Variants in TTN observed in about 807,000 individuals in gnomAD.
TTN encodes titin.
A neutral mutation model predicts 3,223.0 loss-of-function variants in TTN; 1,525 were observed. That is an observed-to-expected ratio of 0.47 (90% confidence interval 0.45 to 0.49). The LOEUF (loss-of-function observed/expected upper bound fraction) is 0.49. TTN is among the 20% of genes least tolerant of loss of function. The pLI is 0.00. For synonymous variants in TTN, 14,094 were observed against 15,161.0 expected (o/e 0.93, Z 5.17); for missense variants, 40,786 against 43,424.0 (o/e 0.94, Z 5.40).
intron 24 of TTN, 41 bp downstream of exon 24, chr2:178,778,833 C>A: frequency 6.2e-7 from 1 of 1,613,016 alleles, no homozygotes; most frequent in South Asian, 1.1e-5. Context: ...GTTTTGAAAA[C>A]AATTTACATA....
intron 136 of TTN, 25 bp downstream of exon 136, chr2:178,681,636 G>A (rs1246695591): frequency 6.3e-7 from 1 of 1,592,750 alleles, no homozygotes; most frequent in Non-Finnish European, 8.5e-7. Context: ...ATCTCTTACA[G>A]GTAATAATGT....
chr2:178,535,483 G>C lies in TTN; in HGVS notation c.101132C>G (p.Thr33711Ser). Residue 33711 changes from threonine (T) to serine (S), a missense_variant, in exon 358 of 363, where the codon ACT becomes AGT. Coordinates refer to ENST00000589042, the MANE Select transcript of TTN (RefSeq NM_001267550.2). ...GCTGCCACCATCAGAGGCTGGCTCA[G>C]TCCATGTTAAGTTGACAGAATCTCG... The part of the protein sequence containing the change: ...VSRDSVNLTW[T>S]EPASDGGSKI... 6.2e-7 allele frequency: 1 copy of C among 1,613,866 alleles called. No individual in the cohort carries two copies. Among genetic ancestry groups the C allele is most frequent in the Non-Finnish European group, 8.5e-7 (1 of 1,179,820 alleles).
At position 178,593,285 on chromosome 2, in the gene TTN, A is replaced by T; in HGVS notation, c.58923T>A (p.Val19641=). Residue 19641 remains valine (V), a synonymous_variant, in exon 299 of 363, where the codon GTT becomes GTA. Transcript: ENST00000589042. ...ACTGACATCCTTCTAGAAGATCAGG[A>T]ACCCTAAATTTAGTGTATGGATGAA... The part of the protein sequence containing the change: ...DPIHPYTKFR[V]PDLLEGCQYE... The T allele has an allele frequency of 6.2e-7, 1 of 1,613,440 alleles. No individual in the cohort carries two copies. The highest frequency in any genetic ancestry group is 1.1e-5 in the South Asian group (1 of 91,062).
intron 322 of TTN, 28 bp downstream of exon 322, chr2:178,577,954 ATGCACC>A: frequency 6.3e-7 from 1 of 1,596,058 alleles, no homozygotes; most frequent in Non-Finnish European, 8.5e-7. Flanking sequence ...CATGTAAAAC[ATGCACC>A]TGGGTTTTTC....
At position 178,594,457 on chromosome 2, in the gene TTN, A is replaced by C; in HGVS notation, c.58037T>G (p.Val19346Gly). The C allele has an allele frequency of 6.2e-7, 1 of 1,613,358 alleles. No individual in the cohort carries two copies. Among genetic ancestry groups the C allele is most frequent in the Non-Finnish European group, 8.5e-7 (1 of 1,179,576 alleles). Reference protein sequence around the residue: ...NDNLLSRKYTVKGLKEGDTYE... With the variant: ...NDNLLSRKYTGKGLKEGDTYE... ...GGTATCACCTTCTTTTAAGCCTTTA[A>C]CAGTGTATTTTCTGCTAAGCAAGTT... The change falls in exon 296 of 363, where the codon GTT (valine) becomes GGT (glycine). Residue 19346 changes from valine to glycine, a missense_variant. Transcript: ENST00000589042.
At chr2:178,668,328 A>AC (rs2066332957) in intron 159 of TTN, among the ~76,000 whole-genome samples, 1 of 152,220 alleles carries the variant, frequency 6.6e-6, no homozygotes, top group Non-Finnish European at 1.5e-5. Flanking sequence ...AGTCAAGAAT[A>AC]GAAAGGATAT....
Position 178,565,358 on chromosome 2 carries a change from CT to C in TTN, c.80773del (p.Arg26925GlufsTer2). On this transcript the variant is annotated frameshift_variant, in exon 326 of 363. Coordinates refer to ENST00000589042, the MANE Select transcript of TTN (RefSeq NM_001267550.2). LOFTEE classifies it high-confidence loss of function. ...GGTAGCTGTTTCTTCAACGTTTACT[CT>C]TGTTGTCTGTTTAAGAGGCTCACCA... is the stretch of plus-strand genomic sequence containing the variant. ...KDGEPLKQTT[R>X]VNVEETATST... The C allele has an allele frequency of 6.2e-7, 1 of 1,613,600 alleles. No individual in the cohort carries two copies. The highest frequency in any genetic ancestry group is 8.5e-7 in the Non-Finnish European group (1 of 1,179,662).
Position 178,711,108 on chromosome 2 carries a change from T to A in TTN, c.28128A>T (p.Thr9376=), listed in dbSNP as rs2076591371. The part of the protein sequence containing the change: ...SLAGQYSCTA[T]NPIGSASSSA... Reference sequence around the variant, plus strand: ...TGGAAGAAGCAGAGCCTATAGGGTTTGTAGCTGTGCAGGAATACTGGCCTG... The same window carrying A: ...TGGAAGAAGCAGAGCCTATAGGGTTAGTAGCTGTGCAGGAATACTGGCCTG... The change falls in exon 97 of 363, where the codon ACA becomes ACT. Residue 9376 remains threonine (T), a synonymous_variant. Transcript: ENST00000589042. 1.2e-6 allele frequency: 2 copies of A among 1,613,548 alleles called. No homozygotes were observed. The highest frequency in any genetic ancestry group is 1.3e-5 in the African/African-American group (1 of 75,058).
intron 121 of TTN, among the ~76,000 whole-genome samples, chr2:178,690,503 G>A (rs748966770): frequency 6.6e-6 from 1 of 151,926 alleles, no homozygotes; most frequent in Non-Finnish European, 1.5e-5. Context: ...GTGTATTTGT[G>A]CTTTTTTTTT....
intron 24 of TTN, 160 bp downstream of exon 24, chr2:178,778,714 G>A: frequency 2.0e-6 from 2 of 984,978 alleles, no homozygotes; most frequent in Non-Finnish European, 3.0e-6. Context: ...TTACACAGGG[G>A]CAAGAAATAA....
In TTN at chr2:178,620,389, C is replaced by T. The variant is rs1301703106; in HGVS notation, c.46132G>A (p.Asp15378Asn). Reference sequence around the variant, plus strand: ...ATGAGAAGCTCAGCAACAGATTTATCTTGTCCAGCAGTGACAATGTATTCA... The same window carrying T: ...ATGAGAAGCTCAGCAACAGATTTATTTTGTCCAGCAGTGACAATGTATTCA... ...EGEYIVTAGQ[D>N]KSVAELLIIE... Residue 15378 changes from aspartate (D) to asparagine (N), a missense_variant, in exon 248 of 363, where the codon GAT becomes AAT. Transcript: ENST00000589042. The T allele has an allele frequency of 6.2e-7, 1 of 1,612,052 alleles. No individual in the cohort carries two copies. Among genetic ancestry groups the T allele is most frequent in the Non-Finnish European group, 8.5e-7 (1 of 1,178,850 alleles).
Position 178,581,545 on chromosome 2 carries a change from A to C in TTN, c.66723T>G (p.Ser22241Arg), listed in dbSNP as rs778956602. 14 of 1,611,020 alleles carry C rather than the reference A, an allele frequency of 8.7e-6. No individual in the cohort carries two copies. Among genetic ancestry groups the C allele is most frequent in the East Asian group, 6.7e-5 (3 of 44,638 alleles). ...GTTTATCTGGCACATCACTGGGGTC[A>C]CTGTATCCAATCTTATTAACGGCAT... The part of the protein sequence containing the change: ...RVYAVNKIGY[S>R]DPSDVPDKHY... The change falls in exon 316 of 363, where the codon AGT becomes AGG. Residue 22241 changes from serine (S) to arginine (R), a missense_variant. By Grantham distance (110) the Ser-to-Arg change is moderately radical (BLOSUM62 -1). Transcript: ENST00000589042.
In TTN at chr2:178,552,237, GGT is replaced by G; in HGVS notation, c.90661_90662del (p.Thr30221ProfsTer14). ...CTTTGGGCTTTGATGGTGGGCCAAG[GGT>G]GATGACTGTAATGGGGACTGCAATT... is the stretch of plus-strand genomic sequence containing the variant. ...CRIAVPITVI[T>X]LGPPSKPKGP... On this transcript the variant is annotated frameshift_variant, in exon 335 of 363. Transcript: ENST00000589042. LOFTEE classifies it high-confidence loss of function. The G allele has an allele frequency of 6.2e-7, 1 of 1,613,346 alleles. No individual in the cohort carries two copies. Among genetic ancestry groups the G allele is most frequent in the Non-Finnish European group, 8.5e-7 (1 of 1,179,588 alleles).
chr2:178,617,999 A>C lies in TTN; in HGVS notation c.47352T>G (p.Tyr15784Ter), dbSNP rs2057661952. 6.2e-7 allele frequency: 1 copy of C among 1,612,600 alleles called. No homozygotes were observed. The highest frequency in any genetic ancestry group is 8.5e-7 in the Non-Finnish European group (1 of 1,179,108). Residue 15784 changes from tyrosine to a stop codon, truncating the protein, a stop_gained, in exon 253 of 363, where the codon TAT (tyrosine) becomes TAG (stop). Coordinates refer to ENST00000589042, the MANE Select transcript of TTN (RefSeq NM_001267550.2). LOFTEE classifies it high-confidence loss of function. ...GVSLTWEPPE[Y>*]DGGAEITNYV... ...AGTTTGTGATCTCAGCACCTCCATC[A>C]TACTCTGGTGGTTCCCATGTCAGTG...
In TTN at chr2:178,592,795, A is replaced by T. The variant is rs2050514835; in HGVS notation, c.59324T>A (p.Val19775Asp). 1 of 1,613,362 alleles carries T rather than the reference A, an allele frequency of 6.2e-7. No individual in the cohort carries two copies. Among genetic ancestry groups the T allele is most frequent in the African/African-American group, 1.3e-5 (1 of 74,902 alleles). Reference sequence around the variant, plus strand: ...CTCACCAAGCCTGTCTTTTACTAGGACTGGCTCCGGAACATGAGCTGGATC... The same window carrying T: ...CTCACCAAGCCTGTCTTTTACTAGGTCTGGCTCCGGAACATGAGCTGGATC... ...ESDPAHVPEP[V>D]LVKDRLEPPE... Residue 19775 changes from valine (V) to aspartate (D), a missense_variant, in exon 300 of 363, where the codon GTC becomes GAC. Coordinates refer to ENST00000589042, the MANE Select transcript of TTN (RefSeq NM_001267550.2).
intron 79 of TTN, 44 bp downstream of exon 79, chr2:178,720,877 A>T (rs1158161078): frequency 6.5e-7 from 1 of 1,529,880 alleles, no homozygotes; most frequent in African/African-American, 1.4e-5. Context: ...TAAGAGCCCA[A>T]ATCAGAGGAG....
chr2:178,757,178 A>AGTACAGTAAGTAATACTGTACTTG (rs1561093680), intron 45 of TTN, among the ~76,000 whole-genome samples: 1 of 90,554 alleles, frequency 1.1e-5, no homozygotes, highest in Non-Finnish European at 2.3e-5. Flanking sequence ...TACTGTACTT[A>AGTACAGTAAGTAATACTGTACTTG]CTTTAAGTAC....
rs3731750 is a variant in TTN, at chr2:178,541,276, C to G, written c.97795+6G>C. The G allele has an allele frequency of 4.0e-6, 6 of 1,485,462 alleles. No individual in the cohort carries two copies. The Admixed American group carries it at 1.1e-4, about 26-fold the overall frequency. 92.0% of individuals were successfully genotyped at this position (1,485,462 alleles called of 1,614,324 possible). A position where few individuals can be genotyped will look rare whatever the true frequency, so the allele number is the denominator to read the frequency against. On this transcript the variant is annotated splice_donor_region_variant and intron_variant, in intron 350 of 362. Transcript: ENST00000589042. ...AATCAATTTGACTGATACAAAATGTCCTTACCAATTGGATCCATGGCAACG... is the reference window on the plus strand; with the variant it reads ...AATCAATTTGACTGATACAAAATGTGCTTACCAATTGGATCCATGGCAACG...
At chr2:178,736,769 C>G (rs1417785903) in intron 49 of TTN, among the ~76,000 whole-genome samples, 1 of 152,160 alleles carries the variant, frequency 6.6e-6, no homozygotes, top group Non-Finnish European at 1.5e-5. Flanking sequence ...CCAAACGCGT[C>G]AGTATGAATA....
Sources: gnomAD v4.1 joint callset for allele counts (sites outside exome capture counted in the v4.1 genomes callset) on GRCh38, gnomAD v4.1.1 for gene constraint, MANE v1.5 for transcripts, NCBI Gene and HGNC (gene_info 2026-07-23, HGNC 2026-07-21) for gene names.